PPP2R5E: variants seen among roughly 807,000 people sequenced by gnomAD.
The protein encoded by PPP2R5E is protein phosphatase 2 regulatory subunit B'epsilon.
PPP2R5E carries 4 observed loss-of-function variants against 65.3 expected under a neutral mutation model. The ratio of observed to expected loss-of-function variants is 0.06; its 90% CI spans 0.03 to 0.14. The LOEUF (loss-of-function observed/expected upper bound fraction) is 0.14, where lower values mean the gene tolerates loss of function less well. PPP2R5E is among the 10% of genes least tolerant of loss of function. PPP2R5E has a pLI of 1.00. For synonymous variants in PPP2R5E, 183 were observed against 187.4 expected, an observed-to-expected ratio of 0.98 and a Z score of 0.19; for missense variants, 274 against 556.1, an observed-to-expected ratio of 0.49 and a Z score of 5.10.
chr14:63,407,134 A>C (rs548528407), intron 5 of PPP2R5E, among the ~76,000 whole-genome samples: 2 of 152,334 alleles, frequency 1.3e-5, no homozygotes, highest in East Asian at 3.9e-4. Context: ...TGTGATTATG[A>C]TATTTTGCAT....
chr14:63,392,077 G>C, intron 8 of PPP2R5E, 52 bp from the exon 9 acceptor site: 1 of 1,418,550 alleles, frequency 7.0e-7, no homozygotes. Context: ...TACAGTAAGG[G>C]CTCAAAAGAT....
chr14:63,405,493 C>A (rs149880454), intron 5 of PPP2R5E, among the ~76,000 whole-genome samples: 47 of 152,226 alleles, frequency 3.1e-4, no homozygotes, highest in Admixed American at 1.6e-3. Context: ...AATTACAGTA[C>A]CTTTCAGCTA....
intron 2 of PPP2R5E, among the ~76,000 whole-genome samples, chr14:63,518,650 G>T (rs1461452519): frequency 6.6e-6 from 1 of 152,146 alleles, no homozygotes; most frequent in East Asian, 1.9e-4. Context: ...GGCAAGCAAT[G>T]AAGTGACTTG....
intron 2 of PPP2R5E, among the ~76,000 whole-genome samples, chr14:63,485,974 C>T (rs1383705067): frequency 1.3e-5 from 2 of 151,602 alleles, no homozygotes; most frequent in African/African-American, 2.4e-5. Flanking sequence ...GGATTACAGG[C>T]ATGCGCTACT....
intron 13 of PPP2R5E, among the ~76,000 whole-genome samples, chr14:63,379,187 C>T (rs541705285): frequency 6.6e-6 from 1 of 152,136 alleles, no homozygotes; most frequent in Non-Finnish European, 1.5e-5. Flanking sequence ...CGCCACCACG[C>T]CCTGCTAATT....
intron 2 of PPP2R5E, among the ~76,000 whole-genome samples, chr14:63,496,786 A>G (rs1010708690): frequency 6.6e-6 from 1 of 152,132 alleles, no homozygotes; most frequent in African/African-American, 2.4e-5. Flanking sequence ...ATAAGCAAAG[A>G]AGCCAAATGC....
At chr14:63,424,697 G>A (rs1342254741) in intron 3 of PPP2R5E, among the ~76,000 whole-genome samples, 3 of 147,782 alleles carry the variant, frequency 2.0e-5, no homozygotes, top group Non-Finnish European at 4.5e-5. Context: ...CTTGCAGTGA[G>A]CCGAGATCTC....
intron 7 of PPP2R5E, among the ~76,000 whole-genome samples, chr14:63,394,953 T>C (rs1274971920): frequency 6.6e-6 from 1 of 152,236 alleles, no homozygotes; most frequent in African/African-American, 2.4e-5. Context: ...GTAACTAGCC[T>C]GACCACAATT....
At chr14:63,496,057 A>G (rs1209043867) in intron 2 of PPP2R5E, among the ~76,000 whole-genome samples, 3 of 152,124 alleles carry the variant, frequency 2.0e-5, no homozygotes, top group Non-Finnish European at 4.4e-5. Flanking sequence ...TGCACTGTTC[A>G]TTTTACATAT....
intron 2 of PPP2R5E, among the ~76,000 whole-genome samples, chr14:63,495,094 T>C (rs912856531): frequency 4.6e-5 from 7 of 151,272 alleles, no homozygotes; most frequent in African/African-American, 1.7e-4. Flanking sequence ...TCCCAGCTAC[T>C]TGGGAGGCTG....
intron 2 of PPP2R5E, among the ~76,000 whole-genome samples, chr14:63,490,698 C>T (rs529769718): frequency 2.7e-4 from 41 of 152,110 alleles, no homozygotes; most frequent in African/African-American, 9.9e-4. Flanking sequence ...CCATCGCACA[C>T]CAGTCGGAAT....
At chr14:63,442,091 TA>T (rs1888267814) in intron 3 of PPP2R5E, among the ~76,000 whole-genome samples, 1 of 152,162 alleles carries the variant, frequency 6.6e-6, no homozygotes, top group Non-Finnish European at 1.5e-5. Context: ...CCAGTTTCCC[TA>T]CCCTTTGAAA....
intron 2 of PPP2R5E, among the ~76,000 whole-genome samples, chr14:63,466,382 G>C (rs1246011642): frequency 6.6e-6 from 1 of 151,984 alleles, no homozygotes. Flanking sequence ...TTAAGCTCCT[G>C]AGACTGACAC....
At chr14:63,427,084 C>T (rs960999472) in intron 3 of PPP2R5E, among the ~76,000 whole-genome samples, 2 of 152,150 alleles carry the variant, frequency 1.3e-5, no homozygotes, top group African/African-American at 4.8e-5. Context: ...TTATAGTTTA[C>T]GGTTAAATGG....
rs555112537 is a variant in PPP2R5E, at chr14:63,530,226, GTTTTTTTTTT to G, written c.157+9293_157+9302del. 1.8e-3 allele frequency among the ~76,000 whole-genome samples: 181 copies of G among 99,460 alleles called. 1 individual carries two copies. The highest frequency in any genetic ancestry group is 7.2e-3 in the African/African-American group (173 of 24,154). The allele number at this position is 99,460 out of a possible 152,430, so 65.2% of individuals were successfully genotyped here. ...GAACCCTAAGTTAAGAAATTTTTCC[GTTTTTTTTTT>G]TTTTTTTTTTTTTGAGACGGAGTTT... On this transcript the variant is annotated intron_variant, in intron 2 of 13. Coordinates refer to ENST00000337537, the MANE Select transcript of PPP2R5E (RefSeq NM_006246.5).
chr14:63,535,519 T>C (rs1893634683), intron 2 of PPP2R5E, among the ~76,000 whole-genome samples: 2 of 152,210 alleles, frequency 1.3e-5, no homozygotes, highest in Admixed American at 1.3e-4. Flanking sequence ...ATTAATGCAG[T>C]ATTATTTATA....
chr14:63,465,450 C>CAAAAAAAA (rs1171345415), intron 2 of PPP2R5E, among the ~76,000 whole-genome samples: 19 of 47,344 alleles, frequency 4.0e-4, no homozygotes, highest in African/African-American at 1.3e-3. Flanking sequence ...TCCACCTCTA[C>CAAAAAAAA]AAAAAAAAAA....
At chr14:63,528,666 T>G (rs1180678289) in intron 2 of PPP2R5E, among the ~76,000 whole-genome samples, 1 of 152,152 alleles carries the variant, frequency 6.6e-6, no homozygotes, top group Non-Finnish European at 1.5e-5. Context: ...TAAAATAAAA[T>G]TGGCATTAAA....
At chr14:63,512,989 AC>A (rs1037656890) in intron 2 of PPP2R5E, among the ~76,000 whole-genome samples, 32 of 129,644 alleles carry the variant, frequency 2.5e-4, no homozygotes, top group East Asian at 1.4e-3. Context: ...CCCATTCTCC[AC>A]CCCCCTACCC....
Sources: gnomAD v4.1 joint callset for allele counts (sites outside exome capture counted in the v4.1 genomes callset) on GRCh38, gnomAD v4.1.1 for gene constraint, MANE v1.5 for transcripts, NCBI Gene and HGNC (gene_info 2026-07-23, HGNC 2026-07-21) for gene names.